SYT14: variants seen among roughly 807,000 people sequenced by gnomAD.
SYT14 encodes synaptotagmin 14, also known as synaptotagmin-14.
SYT14 carries 32 observed loss-of-function variants against 74.2 expected under a neutral mutation model. The ratio of observed to expected loss-of-function variants is 0.43; its 90% CI spans 0.33 to 0.58. SYT14 has a LOEUF of 0.58. Among genes scored for constraint, SYT14 ranks in the 20% least tolerant of loss-of-function variants. The pLI is 0.05. For missense variants in SYT14, 791 were observed against 981.8 expected (o/e 0.81, Z 2.60); for synonymous variants, 298 against 337.7 (o/e 0.88, Z 1.29).
chr1:209,990,099 C>G (rs1042164111), intron 2 of SYT14, among the ~76,000 whole-genome samples: 9 of 151,930 alleles, frequency 5.9e-5, no homozygotes, highest in African/African-American at 1.7e-4. Flanking sequence ...CAAACTGGAC[C>G]CAATATGTAG....
intron 2 of SYT14, chr1:209,965,760 T>C (rs938628295): frequency 1.9e-5 from 7 of 374,520 alleles, no homozygotes; most frequent in African/African-American, 1.1e-4. Flanking sequence ...TCACCTGATA[T>C]GGATATCTAA....
intron 5 of SYT14, among the ~76,000 whole-genome samples, chr1:210,043,062 C>T (rs2080823654): frequency 6.6e-6 from 1 of 152,094 alleles, no homozygotes; most frequent in South Asian, 2.1e-4. Flanking sequence ...TTGAAGAGGT[C>T]CTTCACATCC....
intron 2 of SYT14, among the ~76,000 whole-genome samples, chr1:209,968,513 T>C (rs1001905396): frequency 1.3e-5 from 2 of 152,040 alleles, no homozygotes; most frequent in Admixed American, 1.3e-4. Flanking sequence ...TTTCATCATA[T>C]CATATGGAGT....
intron 2 of SYT14, among the ~76,000 whole-genome samples, chr1:209,978,589 G>A (rs2079415900): frequency 6.6e-6 from 1 of 152,134 alleles, no homozygotes; most frequent in Non-Finnish European, 1.5e-5. Flanking sequence ...GGAGTACCTG[G>A]CCGTGTGAGG....
chr1:210,148,523 AG>A (rs200509648), intron 7 of SYT14, among the ~76,000 whole-genome samples: 1,915 of 146,010 alleles, frequency 0.013, 37 homozygotes, highest in African/African-American at 0.046. Context: ...AAAAAAAAAA[AG>A]GACATAACCA....
chr1:209,948,798 C>T (rs1334515515), intron 1 of SYT14, among the ~76,000 whole-genome samples: 2 of 152,062 alleles, frequency 1.3e-5, no homozygotes, highest in South Asian at 4.1e-4. Context: ...GTTCTAGTGT[C>T]TCCTGTTCTG....
intron 5 of SYT14, among the ~76,000 whole-genome samples, chr1:210,067,593 C>T (rs1023566347): frequency 6.6e-6 from 1 of 151,832 alleles, no homozygotes; most frequent in Non-Finnish European, 1.5e-5. Flanking sequence ...AGACCTCTCT[C>T]TATATATCAC....
chr1:209,984,894 C>A (rs924166022), intron 2 of SYT14, among the ~76,000 whole-genome samples: 7 of 152,124 alleles, frequency 4.6e-5, no homozygotes, highest in African/African-American at 1.7e-4. Context: ...CACACTTAAA[C>A]AACTAGATCT....
At chr1:210,102,728 CTGGGGTGTAGTAGTGCAA>C (rs1320861529) in intron 7 of SYT14, among the ~76,000 whole-genome samples, 1 of 152,084 alleles carries the variant, frequency 6.6e-6, no homozygotes, top group African/African-American at 2.4e-5. Context: ...GTCACCCAGG[CTGGGGTGTAGTAGTGCAA>C]TCATGGCTGA....
chr1:210,052,678 A>AAAAAAAAAAAAAAC (rs2081023102), intron 5 of SYT14, among the ~76,000 whole-genome samples: 1 of 149,848 alleles, frequency 6.7e-6, no homozygotes, highest in African/African-American at 2.4e-5. Context: ...AAAAAAAAAA[A>AAAAAAAAAAAAAAC]AAAAAAGCTC....
At chr1:209,983,231 C>T (rs1374755623) in intron 2 of SYT14, among the ~76,000 whole-genome samples, 2 of 143,618 alleles carry the variant, frequency 1.4e-5, no homozygotes, top group Non-Finnish European at 3.2e-5. Context: ...TATTTTTTTT[C>T]ATGGATTGTG....
intron 1 of SYT14, among the ~76,000 whole-genome samples, chr1:209,943,113 A>G (rs916397486): frequency 2.6e-5 from 4 of 152,224 alleles, no homozygotes; most frequent in Non-Finnish European, 5.9e-5. Context: ...AAAACCCAAT[A>G]GATTTACTTT....
At chr1:209,955,526 G>C (rs1467423952) in intron 2 of SYT14, among the ~76,000 whole-genome samples, 2 of 151,728 alleles carry the variant, frequency 1.3e-5, no homozygotes, top group Non-Finnish European at 2.9e-5. Flanking sequence ...TTGTAGTCTA[G>C]TTCTCTGTGT....
At chr1:210,059,437 T>TAGAGAGAG (rs2081161387) in intron 5 of SYT14, among the ~76,000 whole-genome samples, 4 of 93,428 alleles carry the variant, frequency 4.3e-5, no homozygotes, top group Non-Finnish European at 8.3e-5. Context: ...AATATATATA[T>TAGAGAGAG]ATATATATAT....
At chr1:210,083,004 G>A (rs901243592) in intron 5 of SYT14, among the ~76,000 whole-genome samples, 37 of 151,042 alleles carry the variant, frequency 2.4e-4, no homozygotes, top group African/African-American at 8.0e-4. Flanking sequence ...TTTTTGAGAC[G>A]GATTTTCACT....
intron 2 of SYT14, among the ~76,000 whole-genome samples, chr1:209,965,066 A>G (rs1176249560): frequency 6.6e-6 from 1 of 152,162 alleles, no homozygotes; most frequent in Non-Finnish European, 1.5e-5. Flanking sequence ...GCATGTTTTG[A>G]CGAAGGCTAT....
chr1:210,164,659 C>T lies in SYT14; in HGVS notation c.*3617C>T, dbSNP rs115666424. 4.3e-3 allele frequency: 650 copies of T among 152,198 alleles called. 3 individuals carry two copies. Among genetic ancestry groups the T allele is most frequent in the African/African-American group, 0.014 (594 of 41,538 alleles). 9.4% of individuals were successfully genotyped at this position (152,198 alleles called of 1,614,324 possible). ...GTCACCACCAAGTATTTTTCAAGAT[C>T]CCTCTCCAGCTATGAATAGAAAGGA... On this transcript the variant is annotated 3_prime_UTR_variant, in exon 10 of 10. Coordinates refer to ENST00000637265, the Ensembl canonical transcript of SYT14.
chr1:209,982,366 G>C (rs920082327), intron 2 of SYT14, among the ~76,000 whole-genome samples: 1 of 152,092 alleles, frequency 6.6e-6, no homozygotes, highest in Non-Finnish European at 1.5e-5. Flanking sequence ...GTATTGCTTA[G>C]TCTGGTTTCA....
At chr1:209,969,561 C>T (rs1393324125) in intron 2 of SYT14, among the ~76,000 whole-genome samples, 1 of 145,256 alleles carries the variant, frequency 6.9e-6, no homozygotes, top group Non-Finnish European at 1.5e-5. Flanking sequence ...GATCTCGGCT[C>T]ACTGCAACCT....
Sources: gnomAD v4.1 joint callset for allele counts (sites outside exome capture counted in the v4.1 genomes callset) on GRCh38, gnomAD v4.1.1 for gene constraint, MANE v1.5 for transcripts, NCBI Gene and HGNC (gene_info 2026-07-23, HGNC 2026-07-21) for gene names.